The following PRMT8 variants were observed in gnomAD, a reference collection of about 807,000 sequenced individuals.
PRMT8 encodes protein arginine methyltransferase 8.
In PRMT8, 7 loss-of-function variants were observed where a neutral mutation model predicts 47.1. The observed-to-expected ratio is 0.15, with a 90% CI of 0.08 to 0.28. The LOEUF (loss-of-function observed/expected upper bound fraction) is 0.28. PRMT8 is among the 10% of genes least tolerant of loss of function. The pLI, the probability that PRMT8 is intolerant of heterozygous loss-of-function variation, is 1.00. For synonymous variants in PRMT8, 188 were observed against 186.5 expected, an observed-to-expected ratio of 1.01 and a Z score of -0.07; for missense variants, 237 against 505.4, an observed-to-expected ratio of 0.47 and a Z score of 5.09.
In PRMT8 at chr12:3,430,054, G is replaced by A. The variant is rs145138707; in HGVS notation, c.48+48612G>A. On this transcript the variant is annotated intron_variant, in intron 1 of 9. Transcript: ENST00000452611. ...AGGGCTTTATTCAGCTGGGAGCACC[G>A]GCAGACTCATGTCTCCAAAAACTGA... 2.6e-4 allele frequency among the ~76,000 whole-genome samples: 39 copies of A among 152,290 alleles called. No homozygotes were observed. The East Asian group carries it at 4.6e-3, about 18-fold the overall frequency.
chr12:3,567,504 G>C (rs1393830921), intron 4 of PRMT8, among the ~76,000 whole-genome samples: 5 of 152,198 alleles, frequency 3.3e-5, no homozygotes, highest in African/African-American at 7.2e-5. Context: ...AGTTTGAATT[G>C]TCATGGTAAC....
intron 1 of PRMT8, among the ~76,000 whole-genome samples, chr12:3,467,239 CA>C (rs10694948): frequency 0.19 from 9,314 of 47,936 alleles, 77 homozygotes; most frequent in Middle Eastern, 0.29. Flanking sequence ...GACTCCATCT[CA>C]AAAAAAAAAA....
intron 1 of PRMT8, among the ~76,000 whole-genome samples, chr12:3,413,098 C>T (rs577603990): frequency 6.6e-6 from 1 of 152,270 alleles, no homozygotes; most frequent in Admixed American, 6.5e-5. Flanking sequence ...TATACGCTTG[C>T]TTCTGGCTGT....
chr12:3,409,257 G>A lies in PRMT8; in HGVS notation c.48+27815G>A, dbSNP rs534580974. On this transcript the variant is annotated intron_variant, in intron 1 of 9. Coordinates refer to the PRMT8 transcript ENST00000452611. This position sits in a 1 kb window ranked among gnomAD's most constrained non-coding sequence, Gnocchi z 4.4. ...TATGACCCTGACTCTGGGGTGCAGG[G>A]CACAGCACTGGCCCAGCTTCAGGGA... Among the ~76,000 whole-genome samples, 57 of 152,290 alleles carry A rather than the reference G, an allele frequency of 3.7e-4. No individual in the cohort carries two copies. Among genetic ancestry groups the A allele is most frequent in the African/African-American group, 1.3e-3 (56 of 41,560 alleles).
At chr12:3,559,980 A>G (rs1866603755) in intron 4 of PRMT8, among the ~76,000 whole-genome samples, 1 of 152,202 alleles carries the variant, frequency 6.6e-6, no homozygotes, top group Non-Finnish European at 1.5e-5. Flanking sequence ...TCCCCAAGGG[A>G]ATAGCTGCCC....
At chr12:3,437,222 C>T (rs1864753220) in intron 1 of PRMT8, among the ~76,000 whole-genome samples, 1 of 151,976 alleles carries the variant, frequency 6.6e-6, no homozygotes, top group African/African-American at 2.4e-5. Context: ...TATATATCTT[C>T]TGCAACTTCA....
rs904794893 is a variant in PRMT8 at position 3,566,337 on chromosome 12, A to T, written c.482-2369A>T. On this transcript the variant is annotated intron_variant, in intron 4 of 9. Coordinates refer to ENST00000382622, the MANE Select transcript of PRMT8 (RefSeq NM_019854.5). This position sits in a 1 kb window ranked among gnomAD's most constrained non-coding sequence, Gnocchi z 4.7. The stretch of plus-strand genomic sequence containing the variant: ...GAGTTCCTGCCCTGGGGTCTCTGAG[A>T]CCCAGAGAAACTTCAACACCTACCC... Among the ~76,000 whole-genome samples, 1 of 152,110 alleles carries T rather than the reference A, an allele frequency of 6.6e-6. No individual in the cohort carries two copies. The highest frequency in any genetic ancestry group is 1.5e-5 in the Non-Finnish European group (1 of 68,018).
intron 8 of PRMT8, among the ~76,000 whole-genome samples, chr12:3,588,000 A>G (rs2137235167): frequency 1.3e-5 from 2 of 152,264 alleles, no homozygotes; most frequent in East Asian, 3.9e-4. Context: ...TGGGGGTAGA[A>G]GTGGGAACTG....
intron 1 of PRMT8, among the ~76,000 whole-genome samples, chr12:3,432,492 CA>C (rs142811777): frequency 0.016 from 2,384 of 152,248 alleles, 37 homozygotes; most frequent in Middle Eastern, 0.02. Context: ...AGATGACATG[CA>C]AAGCATGTGA....
intron 1 of PRMT8, among the ~76,000 whole-genome samples, chr12:3,540,163 A>C (rs183188333): frequency 2.8e-4 from 43 of 152,324 alleles, no homozygotes; most frequent in African/African-American, 1.0e-3. Flanking sequence ...GAAGTTCATA[A>C]GTTTGCCCAA....
intron 1 of PRMT8, among the ~76,000 whole-genome samples, chr12:3,441,523 G>A (rs1237103251): frequency 6.6e-6 from 1 of 152,188 alleles, no homozygotes; most frequent in Admixed American, 6.5e-5. Flanking sequence ...TGTAACCTTT[G>A]GGCCTCATAC....
intron 1 of PRMT8, among the ~76,000 whole-genome samples, chr12:3,482,573 AAG>A (rs1865285004): frequency 6.6e-6 from 1 of 152,226 alleles, no homozygotes; most frequent in South Asian, 2.1e-4. Flanking sequence ...GTGGATGTGA[AAG>A]AAAGAGCTGC....
intron 1 of PRMT8, among the ~76,000 whole-genome samples, chr12:3,413,540 AG>A (rs1176859453): frequency 6.6e-6 from 1 of 152,188 alleles, no homozygotes. Context: ...GAAGGTCTTC[AG>A]GGGCAATAAC....
chr12:3,568,649 T>C (rs1866778878), intron 4 of PRMT8, 57 bp from the exon 5 acceptor site: 20 of 1,605,530 alleles, frequency 1.2e-5, no homozygotes, highest in Non-Finnish European at 1.6e-5. Flanking sequence ...AGTGAGGTGC[T>C]TGTGGTTCCT....
chr12:3,451,538 C>T (rs1864919024), intron 1 of PRMT8, among the ~76,000 whole-genome samples: 1 of 152,182 alleles, frequency 6.6e-6, no homozygotes. Context: ...TTTTGCCCAG[C>T]CAACATTCAG....
intron 1 of PRMT8, chr12:3,469,090 C>T (rs974066443): frequency 2.1e-5 from 10 of 480,222 alleles, no homozygotes; most frequent in Non-Finnish European, 2.9e-5. Context: ...CAGTGGAGGC[C>T]GCAGCAGTCA....
chr12:3,582,166 A>G (rs1867079335), intron 7 of PRMT8, among the ~76,000 whole-genome samples: 1 of 152,184 alleles, frequency 6.6e-6, no homozygotes, highest in African/African-American at 2.4e-5. Flanking sequence ...CTTGGGCCCT[A>G]GTAGGTTTGC....
At chr12:3,454,916 A>G (rs1591554616) in intron 1 of PRMT8, among the ~76,000 whole-genome samples, 1 of 152,122 alleles carries the variant, frequency 6.6e-6, no homozygotes, top group Non-Finnish European at 1.5e-5. Context: ...CTGTGAAATT[A>G]CCACGTCAGC....
At chr12:3,445,655 C>A (rs10744613) in intron 1 of PRMT8, among the ~76,000 whole-genome samples, 83,772 of 151,926 alleles carry the variant, frequency 0.55, 26,562 homozygotes, top group East Asian at 0.77. Context: ...GCTTAAAAGG[C>A]ATGAAGAGAA....
Sources: allele counts gnomAD v4.1 joint callset (sites outside exome capture counted in the v4.1 genomes callset), GRCh38; gene constraint gnomAD v4.1.1; non-coding constraint Gnocchi (gnomAD v3.1); transcripts MANE v1.5; gene names NCBI Gene and HGNC (gene_info 2026-07-23, HGNC 2026-07-21).